CSMD1: variants seen among roughly 807,000 people sequenced by gnomAD.
CSMD1 encodes CUB and Sushi multiple domains 1.
Under a neutral mutation model 417.5 loss-of-function variants are expected in CSMD1, and 213 were observed. The ratio of observed to expected loss-of-function variants is 0.51; its 90% confidence interval spans 0.46 to 0.57. CSMD1 has a LOEUF of 0.57. Among genes scored for constraint, CSMD1 ranks in the 20% least tolerant of loss-of-function variants. CSMD1 has a pLI of 0.00. For missense variants in CSMD1, 6,923 were observed against 4,529.7 expected (o/e 1.53, Z -15.17); for synonymous variants, 2,862 against 1,736.8 (o/e 1.65, Z -16.11).
chr8:4,123,688 T>A (rs1352362708), intron 3 of CSMD1, among the ~76,000 whole-genome samples: 1 of 152,220 alleles, frequency 6.6e-6, no homozygotes, highest in Non-Finnish European at 1.5e-5. Flanking sequence ...TGATGATAAC[T>A]TCTATGGTTT....
At chr8:4,855,651 A>AGAT (rs1801755255) in intron 1 of CSMD1, among the ~76,000 whole-genome samples, 1 of 152,246 alleles carries the variant, frequency 6.6e-6, no homozygotes, top group African/African-American at 2.4e-5. Context: ...ATCAACTGGA[A>AGAT]GATAGGGTAT....
At chr8:4,578,587 T>C (rs1282293536) in intron 2 of CSMD1, among the ~76,000 whole-genome samples, 1 of 151,224 alleles carries the variant, frequency 6.6e-6, no homozygotes, top group Admixed American at 6.6e-5. Flanking sequence ...GAGGCCAAGG[T>C]GGGCGGTTCA....
chr8:4,321,265 C>T (rs73174233), intron 3 of CSMD1, among the ~76,000 whole-genome samples: 3,149 of 152,226 alleles, frequency 0.021, 45 homozygotes, highest in Middle Eastern at 0.034. Flanking sequence ...CACTGATCAT[C>T]CTCGGTGTGT....
At chr8:4,446,746 T>TGG (rs1798822864) in intron 2 of CSMD1, among the ~76,000 whole-genome samples, 1 of 101,306 alleles carries the variant, frequency 9.9e-6, no homozygotes, top group East Asian at 3.4e-4. Context: ...TGTGTGTGTG[T>TGG]GTGTGTGTCT....
chr8:3,071,430 G>C (rs1813316594), intron 49 of CSMD1, among the ~76,000 whole-genome samples: 1 of 152,046 alleles, frequency 6.6e-6, no homozygotes, highest in Admixed American at 6.5e-5. Flanking sequence ...ATGGTGAGTT[G>C]ACAGATGCAG....
At chr8:4,112,943 T>C (rs183612062) in intron 3 of CSMD1, among the ~76,000 whole-genome samples, 1 of 152,214 alleles carries the variant, frequency 6.6e-6, no homozygotes. Context: ...CTTCATCCTT[T>C]TGCGTTACAT....
At chr8:3,348,214 T>A (rs1409410357) in intron 21 of CSMD1, 53 bp from the exon 22 acceptor site, 1 of 1,437,902 alleles carries the variant, frequency 7.0e-7, no homozygotes, top group African/African-American at 1.4e-5. Flanking sequence ...AATTACTGTT[T>A]TTAACAGATT....
At chr8:3,239,125 T>C (rs747050916) in intron 26 of CSMD1, among the ~76,000 whole-genome samples, 3 of 152,170 alleles carry the variant, frequency 2.0e-5, no homozygotes, top group African/African-American at 2.4e-5. Flanking sequence ...GTAAAAGCAC[T>C]TTCTATTCCT....
chr8:4,965,753 T>C (rs181451001), intron 1 of CSMD1, among the ~76,000 whole-genome samples: 1 of 152,256 alleles, frequency 6.6e-6, no homozygotes, highest in Admixed American at 6.5e-5. Flanking sequence ...TACTAATGAT[T>C]ATTTAGGAAG....
At chr8:3,521,382 T>A (rs1402401426) in intron 10 of CSMD1, among the ~76,000 whole-genome samples, 2 of 152,276 alleles carry the variant, frequency 1.3e-5, no homozygotes, top group African/African-American at 4.8e-5. Context: ...CCCTGTTGTC[T>A]TCCCAGCAAC....
At chr8:4,795,103 A>C (rs1797903145) in intron 1 of CSMD1, among the ~76,000 whole-genome samples, 1 of 152,014 alleles carries the variant, frequency 6.6e-6, no homozygotes, top group Non-Finnish European at 1.5e-5. Flanking sequence ...ATCAGGTGGA[A>C]TAGATACAGC....
intron 1 of CSMD1, among the ~76,000 whole-genome samples, chr8:4,659,879 A>C (rs1007718602): frequency 6.6e-6 from 1 of 152,164 alleles, no homozygotes; most frequent in Non-Finnish European, 1.5e-5. Context: ...AATCATAAAA[A>C]TCATGTCCAT....
chr8:4,713,345 C>T (rs56219712), intron 1 of CSMD1, among the ~76,000 whole-genome samples: 44,828 of 151,846 alleles, frequency 0.3, 7,581 homozygotes, highest in East Asian at 0.38. Flanking sequence ...CTTGCCATAG[C>T]TTTTATCTTT....
chr8:4,250,853 C>G (rs1221547683), intron 3 of CSMD1, among the ~76,000 whole-genome samples: 2 of 152,174 alleles, frequency 1.3e-5, no homozygotes, highest in Non-Finnish European at 2.9e-5. Context: ...AACACCTTGT[C>G]ACTATTTACA....
At chr8:4,926,746 C>G (rs992571744) in intron 1 of CSMD1, among the ~76,000 whole-genome samples, 2 of 152,052 alleles carry the variant, frequency 1.3e-5, no homozygotes, top group Non-Finnish European at 2.9e-5. Flanking sequence ...CTGTGACTTA[C>G]ATTTTAAATT....
chr8:3,439,309 A>ATATATATATATATATATT lies in CSMD1; in HGVS notation c.1561+29402_1561+29403insAATATATATATATATATA. 2.0e-3 allele frequency among the ~76,000 whole-genome samples: 125 copies of ATATATATATATATATATT among 62,354 alleles called. 1 individual carries two copies. The highest frequency in any genetic ancestry group is 3.0e-3 in the Non-Finnish European group (103 of 34,722). 40.9% of individuals were successfully genotyped at this position (62,354 alleles called of 152,430 possible). A position where few individuals can be genotyped will look rare whatever the true frequency, so the allele number is the denominator to read the frequency against. On this transcript the variant is annotated intron_variant, in intron 12 of 69. Transcript: ENST00000635120. The stretch of plus-strand genomic sequence containing the variant: ...TATATATATATATATATATATATAT[A>ATATATATATATATATATT]TTTTTTTTTTTAATATGTATTTTTA...
chr8:3,135,179 G>A (rs896512345), intron 41 of CSMD1, among the ~76,000 whole-genome samples: 1 of 152,206 alleles, frequency 6.6e-6, no homozygotes, highest in African/African-American at 2.4e-5. Flanking sequence ...GCTTCCCAAA[G>A]TGCTGCAATT....
intron 2 of CSMD1, among the ~76,000 whole-genome samples, chr8:4,547,141 C>A (rs946982172): frequency 1.3e-5 from 2 of 152,164 alleles, no homozygotes; most frequent in South Asian, 4.1e-4. Context: ...TAAATTATTT[C>A]ATCAGACCTG....
intron 50 of CSMD1, among the ~76,000 whole-genome samples, chr8:3,046,466 C>A (rs1392635186): frequency 6.6e-6 from 1 of 152,184 alleles, no homozygotes; most frequent in Admixed American, 6.5e-5. Flanking sequence ...TTATTCCCTT[C>A]CGTGGACATT....
Sources: allele counts gnomAD v4.1 joint callset (sites outside exome capture counted in the v4.1 genomes callset), GRCh38; gene constraint gnomAD v4.1.1; transcripts MANE v1.5; gene names NCBI Gene and HGNC (gene_info 2026-07-23, HGNC 2026-07-21).